Variants in BUB1B observed in about 807,000 individuals in gnomAD.
The protein encoded by BUB1B is BUB1 mitotic checkpoint serine/threonine kinase B, also known as mitotic checkpoint serine/threonine-protein kinase BUB1 beta.
BUB1B carries 86 observed loss-of-function variants against 137.7 expected under a neutral mutation model. That is an observed-to-expected ratio of 0.62 (90% CI 0.52 to 0.75). BUB1B has a LOEUF of 0.75. BUB1B is among the 30% of genes least tolerant of loss of function. The probability of loss-of-function intolerance (pLI) is 0.00; values close to 1 mark genes in which losing one functional copy is unlikely to be tolerated. For missense variants in BUB1B, 1,130 were observed against 1,236.9 expected (o/e 0.91, Z 1.30); for synonymous variants, 420 against 417.9 (o/e 1.00, Z -0.06).
At chr15:40,192,620 C>T (rs1364267313) in intron 8 of BUB1B, among the ~76,000 whole-genome samples, 1 of 152,148 alleles carries the variant, frequency 6.6e-6, no homozygotes, top group Non-Finnish European at 1.5e-5. Flanking sequence ...TCTGCCCTTT[C>T]CAGAAAATCA....
chr15:40,218,431 C>T, intron 21 of BUB1B, 25 bp from the exon 22 acceptor site: 1 of 1,547,666 alleles, frequency 6.5e-7, no homozygotes, highest in Non-Finnish European at 8.9e-7. Flanking sequence ...ATTATTTTAG[C>T]TGATGGTGCT....
chr15:40,214,972 TC>T (rs1228032807), intron 20 of BUB1B, among the ~76,000 whole-genome samples: 1 of 152,098 alleles, frequency 6.6e-6, no homozygotes, highest in Non-Finnish European at 1.5e-5. Context: ...GTGCTGAAAT[TC>T]CCAGGGCTAT....
intron 14 of BUB1B, among the ~76,000 whole-genome samples, chr15:40,203,443 G>A (rs994378560): frequency 4.6e-5 from 7 of 152,118 alleles, no homozygotes; most frequent in African/African-American, 1.4e-4. Context: ...AGTGATGAAA[G>A]TATTCTGGAA....
At chr15:40,218,277 T>C (rs573248160) in intron 21 of BUB1B, among the ~76,000 whole-genome samples, 179 bp from the exon 22 acceptor site, 1 of 152,378 alleles carries the variant, frequency 6.6e-6, no homozygotes, top group East Asian at 1.9e-4. Context: ...TTGGCTCTAT[T>C]GATCACTTCT....
rs751855402 is a variant in BUB1B at position 40,176,583 on chromosome 15, C to G, written c.491C>G (p.Ala164Gly). Residue 164 changes from alanine (A) to glycine (G), a missense_variant, in exon 5 of 23, where the codon GCT becomes GGT. Ala to Gly is a moderately conservative substitution (Grantham distance 60). Coordinates refer to ENST00000287598, the MANE Select transcript of BUB1B (RefSeq NM_001211.6). ...ATCTCATGGGCAGAAGAATATGAAG[C>G]TAGAGAAAACTTTAGGAAAGCAGAT... ...FYISWAEEYE[A>G]RENFRKADAI... 1 of 1,614,004 alleles carries G rather than the reference C, an allele frequency of 6.2e-7. No homozygotes were observed. Among genetic ancestry groups the G allele is most frequent in the East Asian group, 2.2e-5 (1 of 44,858 alleles).
At position 40,218,305 on chromosome 15, in the gene BUB1B, T is replaced by C. The variant is rs866698175; in HGVS notation, c.2851-151T>C. On this transcript the variant is annotated intron_variant, in intron 21 of 22. Coordinates refer to ENST00000287598, the MANE Select transcript of BUB1B (RefSeq NM_001211.6). ...TCACTTCTTTGGAGAGCTTCTCCCT[T>C]TACTGTAAGGGTGAGGAACAGTCTA... 1.5e-4 allele frequency: 99 copies of C among 678,160 alleles called. 2 individuals are homozygous for C. In the South Asian group the frequency reaches 1.6e-3, roughly 11 times the overall value. 42.0% of individuals were successfully genotyped at this position (678,160 alleles called of 1,614,324 possible). A position where few individuals can be genotyped will look rare whatever the true frequency, so the allele number is the denominator to read the frequency against.
intron 10 of BUB1B, 140 bp from the exon 11 acceptor site, chr15:40,200,104 G>A: frequency 1.4e-6 from 1 of 714,490 alleles, no homozygotes; most frequent in Non-Finnish European, 2.5e-6. Flanking sequence ...AAAAATTATT[G>A]GAAATGACTT....
At chr15:40,190,585 C>G (rs28792493) in intron 8 of BUB1B, among the ~76,000 whole-genome samples, 12,364 of 152,064 alleles carry the variant, frequency 0.081, 1,543 homozygotes, top group African/African-American at 0.27. Flanking sequence ...CTGTACTCCA[C>G]CCTAGGCAAC....
intron 1 of BUB1B, among the ~76,000 whole-genome samples, chr15:40,164,372 C>T (rs28744626): frequency 0.06 from 9,058 of 152,048 alleles, 884 homozygotes; most frequent in African/African-American, 0.21. Context: ...CGACCATGGG[C>T]GTGTACCACC....
intron 8 of BUB1B, among the ~76,000 whole-genome samples, chr15:40,185,901 A>G (rs1053100327): frequency 1.3e-5 from 2 of 152,176 alleles, no homozygotes; most frequent in African/African-American, 2.4e-5. Flanking sequence ...AATTTTGTAT[A>G]TCCTTTATGT....
intron 1 of BUB1B, among the ~76,000 whole-genome samples, chr15:40,163,818 T>C (rs376393996): frequency 3.3e-4 from 51 of 152,302 alleles, no homozygotes; most frequent in African/African-American, 1.2e-3. Context: ...TGTGGTAAAA[T>C]TGGTTTTGTT....
chr15:40,169,621 T>G, intron 2 of BUB1B, among the ~76,000 whole-genome samples: 1 of 146,486 alleles, frequency 6.8e-6, no homozygotes, highest in African/African-American at 2.5e-5. Context: ...TTTTTTTTTT[T>G]TTTTTTTTTT....
intron 2 of BUB1B, among the ~76,000 whole-genome samples, chr15:40,168,199 C>T (rs1049881635): frequency 2.0e-5 from 3 of 151,980 alleles, no homozygotes; most frequent in Non-Finnish European, 4.4e-5. Context: ...GAAACCCTGT[C>T]TCAACTAAAA....
At chr15:40,178,763 A>T (rs2037250093) in intron 5 of BUB1B, among the ~76,000 whole-genome samples, 1 of 152,116 alleles carries the variant, frequency 6.6e-6, no homozygotes, top group Non-Finnish European at 1.5e-5. Flanking sequence ...TGACCCCTGT[A>T]TCATTATATA....
At chr15:40,197,649 A>G (rs188864837) in intron 9 of BUB1B, among the ~76,000 whole-genome samples, 1 of 152,200 alleles carries the variant, frequency 6.6e-6, no homozygotes, top group South Asian at 2.1e-4. Context: ...GGGAAACTTA[A>G]CCATCACTTA....
At chr15:40,190,150 C>T (rs2037417860) in intron 8 of BUB1B, among the ~76,000 whole-genome samples, 1 of 152,192 alleles carries the variant, frequency 6.6e-6, no homozygotes, top group South Asian at 2.1e-4. Context: ...TATGTTTTAT[C>T]TTATACATGC....
Position 40,196,812 on chromosome 15 carries a change from A to G in BUB1B, c.1288+38A>G, listed in dbSNP as rs768683761. ...CAAGTTTGTGAAGAGGACTTAACTT[A>G]GTTGTGTGAAGGTTGAGCTGACCTA... On this transcript the variant is annotated intron_variant, in intron 9 of 22. Transcript: ENST00000287598. 6 of 1,582,104 alleles carry G rather than the reference A, an allele frequency of 3.8e-6. No individual in the cohort carries two copies. In the African/African-American group the frequency reaches 8.1e-5, roughly 21 times the overall value.
chr15:40,203,101 G>A (rs2037594963), intron 14 of BUB1B, among the ~76,000 whole-genome samples: 1 of 152,124 alleles, frequency 6.6e-6, no homozygotes, highest in Non-Finnish European at 1.5e-5. Context: ...CAAAAAATTT[G>A]TACACAAATG....
At chr15:40,162,662 G>A (rs912228910) in intron 1 of BUB1B, among the ~76,000 whole-genome samples, 1 of 152,160 alleles carries the variant, frequency 6.6e-6, no homozygotes, top group African/African-American at 2.4e-5. Flanking sequence ...AAGATTTTTG[G>A]CTTGGGTAAC....
Sources: gnomAD v4.1 joint callset for allele counts (sites outside exome capture counted in the v4.1 genomes callset) on GRCh38, gnomAD v4.1.1 for gene constraint, MANE v1.5 for transcripts, NCBI Gene and HGNC (gene_info 2026-07-23, HGNC 2026-07-21) for gene names.